Variants in TEX14 observed in about 807,000 individuals in gnomAD.
The protein encoded by TEX14 is inactive serine/threonine-protein kinase TEX14.
Under a neutral mutation model 178.6 loss-of-function variants are expected in TEX14, and 168 were observed. That is an observed-to-expected ratio of 0.94 (90% CI 0.83 to 1.07). TEX14 has a LOEUF of 1.07. Ranked by LOEUF, TEX14 falls within the 50% of genes least tolerant of loss-of-function variation. The pLI is 0.00. For missense variants in TEX14, 1,730 were observed against 1,753.6 expected (o/e 0.99, Z 0.24); for synonymous variants, 626 against 634.1 (o/e 0.99, Z 0.19).
intron 2 of TEX14, chr17:58,631,772 T>G (rs114445359): frequency 8.0e-4 from 122 of 152,206 alleles, no homozygotes; most frequent in African/African-American, 2.7e-3. Context: ...TTTCCAGCGT[T>G]CTACACGTTC....
At chr17:58,631,661 T>C (rs1013205581) in intron 2 of TEX14, 6 of 149,750 alleles carry the variant, frequency 4.0e-5, no homozygotes, top group African/African-American at 7.4e-5. Context: ...CTGCCTTCTC[T>C]AGAGAAGAAC....
Position 58,598,893 on chromosome 17 carries a change from G to T in TEX14, c.2452C>A (p.Pro818Thr), listed in dbSNP as rs567075101. Residue 818 changes from proline to threonine, a missense_variant, in exon 14 of 32, where the codon CCA (proline) becomes ACA (threonine). Physicochemically the swap from Pro to Thr is conservative, Grantham distance 38. This residue lies in a region of TEX14 where 941 missense variants were observed against 1,072.4 expected (regional missense o/e 0.88). Transcript: ENST00000349033. ...TCTCTTACCATTCTTGGAAATCTTG[G>T]TAGGGTTGGGTAGTTGCCACTGGTG... is the stretch of plus-strand genomic sequence containing the variant. ...PDTSGNYPTLPRFPRMLPTLC... is the reference protein window; with the variant it reads ...PDTSGNYPTLTRFPRMLPTLC... 11 of 1,602,258 alleles carry T rather than the reference G, an allele frequency of 6.9e-6. No homozygotes were observed. In the African/African-American group the frequency reaches 1.3e-4, roughly 20 times the overall value.
intron 15 of TEX14, among the ~76,000 whole-genome samples, chr17:58,592,727 CG>C (rs2045184998): frequency 6.6e-6 from 1 of 151,958 alleles, no homozygotes; most frequent in African/African-American, 2.4e-5. Flanking sequence ...TTAGTAGAGA[CG>C]GGGTTTCACC....
intron 2 of TEX14, among the ~76,000 whole-genome samples, chr17:58,647,031 G>A (rs1567756655): frequency 6.6e-6 from 1 of 151,284 alleles, no homozygotes; most frequent in Non-Finnish European, 1.5e-5. Flanking sequence ...TCAGCCTCCC[G>A]AGTAGCTGGG....
At chr17:58,677,889 C>T (rs1298911705) in intron 1 of TEX14, among the ~76,000 whole-genome samples, 2 of 152,322 alleles carry the variant, frequency 1.3e-5, no homozygotes, top group Non-Finnish European at 2.9e-5. Flanking sequence ...CGGTGGCTCA[C>T]GCCTGTAATC....
At chr17:58,664,463 C>A (rs1261037194) in intron 1 of TEX14, among the ~76,000 whole-genome samples, 1 of 152,206 alleles carries the variant, frequency 6.6e-6, no homozygotes, top group African/African-American at 2.4e-5. Context: ...GTTCTCAAGT[C>A]ATTACTTACA....
chr17:58,624,028 A>C (rs1289399678), intron 3 of TEX14, among the ~76,000 whole-genome samples: 1 of 152,228 alleles, frequency 6.6e-6, no homozygotes, highest in Non-Finnish European at 1.5e-5. Flanking sequence ...TCACGCCTGT[A>C]ATCCCAGCAC....
chr17:58,558,536 A>C (rs955783176), intron 30 of TEX14, among the ~76,000 whole-genome samples: 1 of 152,146 alleles, frequency 6.6e-6, no homozygotes, highest in Non-Finnish European at 1.5e-5. Context: ...CAGGAGATGC[A>C]GTCCACTAGG....
At chr17:58,591,973 C>T (rs759114852) in intron 15 of TEX14, among the ~76,000 whole-genome samples, 7 of 151,318 alleles carry the variant, frequency 4.6e-5, no homozygotes, top group Non-Finnish European at 1.0e-4. Context: ...ACAGGAGGAT[C>T]GCTTGAACCC....
At position 58,584,543 on chromosome 17, in the gene TEX14, T is replaced by G; in HGVS notation, c.3128A>C (p.Gln1043Pro). The G allele has an allele frequency of 6.2e-7, 1 of 1,614,200 alleles. No homozygotes were observed. Reference sequence around the variant, plus strand: ...AGCCACCAATGTGTCAGAACTTGCTTGGAAGGCTTCACTATGCTCTGGTTG... The same window carrying G: ...AGCCACCAATGTGTCAGAACTTGCTGGGAAGGCTTCACTATGCTCTGGTTG... ...KEQPEHSEAFQASSDTLVAVE... is the reference protein window; with the variant it reads ...KEQPEHSEAFPASSDTLVAVE... The change falls in exon 19 of 32, where the codon CAA (glutamine) becomes CCA (proline). Residue 1043 changes from glutamine to proline, a missense_variant. Physicochemically the swap from Gln to Pro is moderately conservative, Grantham distance 76. This residue lies in a region of TEX14 where 941 missense variants were observed against 1,072.4 expected (regional missense o/e 0.88). Coordinates refer to ENST00000349033, the MANE Select transcript of TEX14 (RefSeq NM_031272.5).
chr17:58,684,675 AAAT>A (rs1368336489), intron 1 of TEX14, among the ~76,000 whole-genome samples: 54 of 144,034 alleles, frequency 3.7e-4, no homozygotes, highest in African/African-American at 1.2e-3. Flanking sequence ...ATAAATAAAT[AAAT>A]AAAAAGCTTT....
intron 1 of TEX14, among the ~76,000 whole-genome samples, chr17:58,655,772 C>A (rs1443802220): frequency 6.6e-6 from 1 of 152,154 alleles, no homozygotes; most frequent in Non-Finnish European, 1.5e-5. Context: ...ATGTCTGGCA[C>A]CTCCCTTGTA....
rs1598373329 is a variant in TEX14, at chr17:58,599,506, A to C, written c.1839T>G (p.Gly613=). 1 of 1,614,022 alleles carries C rather than the reference A, an allele frequency of 6.2e-7. No homozygotes were observed. The highest frequency in any genetic ancestry group is 8.5e-7 in the Non-Finnish European group (1 of 1,179,998). The stretch of plus-strand genomic sequence containing the variant: ...TTTCGAAACTGCAGAGGCTTGGCTG[A>C]CCTGTGCTGGGGCTGCTGGCCTCTT... The part of the protein sequence containing the change: ...MAEEASSPST[G]QPSLCSFEIN... The change falls in exon 14 of 32, where the codon GGT becomes GGG. Residue 613 remains glycine (G), a synonymous_variant. Coordinates refer to ENST00000349033, the MANE Select transcript of TEX14 (RefSeq NM_031272.5).
chr17:58,592,246 T>C (rs549807425), intron 15 of TEX14, among the ~76,000 whole-genome samples: 26 of 152,072 alleles, frequency 1.7e-4, no homozygotes, highest in African/African-American at 5.8e-4. Context: ...ATTTTTTTTT[T>C]TGAGTCAGAA....
intron 21 of TEX14, among the ~76,000 whole-genome samples, chr17:58,576,751 T>G (rs1002014866): frequency 2.0e-5 from 3 of 152,248 alleles, no homozygotes; most frequent in Admixed American, 6.5e-5. Context: ...ATTTCAAGAA[T>G]GTTATATTAA....
At chr17:58,653,099 G>A (rs1020145178) in intron 1 of TEX14, among the ~76,000 whole-genome samples, 1 of 152,086 alleles carries the variant, frequency 6.6e-6, no homozygotes, top group Non-Finnish European at 1.5e-5. Flanking sequence ...ACCATGCCCA[G>A]CTAATTTTTT....
chr17:58,632,311 T>C (rs1360745498), intron 2 of TEX14, among the ~76,000 whole-genome samples: 1 of 152,220 alleles, frequency 6.6e-6, no homozygotes, highest in African/African-American at 2.4e-5. Context: ...CACACTTAAA[T>C]ATTTTGTATT....
intron 16 of TEX14, 29 bp from the exon 17 acceptor site, chr17:58,587,695 G>A: frequency 6.6e-7 from 1 of 1,517,318 alleles, no homozygotes; most frequent in Admixed American, 1.8e-5. Flanking sequence ...TTGGAGGTAG[G>A]GGGAGCGGGG....
chr17:58,613,217 A>G (rs1381332367), intron 9 of TEX14, among the ~76,000 whole-genome samples: 5 of 152,022 alleles, frequency 3.3e-5, no homozygotes, highest in Non-Finnish European at 1.5e-5. Context: ...AAAAAGCAGA[A>G]CTGACAATAA....
Sources: allele counts gnomAD v4.1 joint callset (sites outside exome capture counted in the v4.1 genomes callset), GRCh38; gene constraint gnomAD v4.1.1; regional missense constraint gnomAD v4.1.1; transcripts MANE v1.5; gene names NCBI Gene and HGNC (gene_info 2026-07-23, HGNC 2026-07-21).